Variants in THRB observed in about 807,000 individuals in gnomAD.
THRB encodes the protein thyroid hormone receptor beta.
THRB carries 12 observed loss-of-function variants against 47.8 expected under a neutral mutation model. The observed-to-expected ratio is 0.25, with a 90% CI of 0.16 to 0.41. The LOEUF (loss-of-function observed/expected upper bound fraction) is 0.41, where lower values mean the gene tolerates loss of function less well. Ranked by LOEUF, THRB falls within the 10% of genes least tolerant of loss-of-function variation. The pLI is 1.00. For missense variants in THRB, 348 were observed against 589.2 expected, an observed-to-expected ratio of 0.59 and a Z score of 4.24; for synonymous variants, 218 against 212.2, an observed-to-expected ratio of 1.03 and a Z score of -0.24.
chr3:24,199,666 A>T (rs1409352211), intron 4 of THRB, among the ~76,000 whole-genome samples: 1 of 152,260 alleles, frequency 6.6e-6, no homozygotes, highest in Non-Finnish European at 1.5e-5. Context: ...GAAACTAAAA[A>T]GTACAATGAT....
rs1442950962 is a variant in THRB, at chr3:24,121,059, G to A, written c.*1825C>T. 2 of 152,126 alleles carry A rather than the reference G, an allele frequency of 1.3e-5. No individual in the cohort carries two copies. The highest frequency in any genetic ancestry group is 1.9e-4 in the East Asian group (1 of 5,184). The allele number at this position is 152,126 out of a possible 1,614,324, so 9.4% of individuals were successfully genotyped here. On this transcript the variant is annotated 3_prime_UTR_variant, in exon 11 of 11. Transcript: ENST00000646209. ...AATAACAAATTTACGTTCCTTAACT[G>A]TTAAGTGGGCCATACTTCTTGTCTA... is the stretch of plus-strand genomic sequence containing the variant.
intron 2 of THRB, among the ~76,000 whole-genome samples, chr3:24,300,658 C>G (rs981874815): frequency 6.6e-6 from 1 of 152,176 alleles, no homozygotes; most frequent in African/African-American, 2.4e-5. Context: ...ATGTATTAGA[C>G]TCCCCCCATC....
chr3:24,385,959 T>G (rs1221527619), intron 1 of THRB, among the ~76,000 whole-genome samples: 1 of 152,204 alleles, frequency 6.6e-6, no homozygotes, highest in South Asian at 2.1e-4. Context: ...AATGACAGGA[T>G]GTACAATATG....
intron 1 of THRB, among the ~76,000 whole-genome samples, chr3:24,367,050 A>G (rs1264947030): frequency 6.6e-6 from 1 of 152,208 alleles, no homozygotes; most frequent in Non-Finnish European, 1.5e-5. Flanking sequence ...AACTAATGAC[A>G]CATTCATAAT....
intron 1 of THRB, among the ~76,000 whole-genome samples, chr3:24,447,395 A>T (rs527390607): frequency 6.6e-6 from 1 of 152,302 alleles, no homozygotes; most frequent in South Asian, 2.1e-4. Context: ...GGTCTAAGTG[A>T]ACCTGCAGTG....
chr3:24,487,052 G>A (rs1014957956), intron 1 of THRB, among the ~76,000 whole-genome samples: 1 of 152,166 alleles, frequency 6.6e-6, no homozygotes, highest in Non-Finnish European at 1.5e-5. Context: ...TGATTATAAT[G>A]TTTTCAAAGG....
At chr3:24,418,984 C>CA (rs1232804448) in intron 1 of THRB, among the ~76,000 whole-genome samples, 3 of 151,874 alleles carry the variant, frequency 2.0e-5, no homozygotes, top group African/African-American at 4.8e-5. Context: ...TATCACCCCC[C>CA]ATACCTGCAG....
chr3:24,398,756 C>T (rs891858025), intron 1 of THRB, among the ~76,000 whole-genome samples: 57 of 152,256 alleles, frequency 3.7e-4, no homozygotes, highest in Admixed American at 1.4e-3. Context: ...ATAAATCATG[C>T]TGCTGTAAAG....
intron 5 of THRB, among the ~76,000 whole-genome samples, chr3:24,180,968 G>GT (rs950765924): frequency 1.4e-4 from 21 of 152,170 alleles, no homozygotes; most frequent in African/African-American, 3.4e-4. Context: ...AGGGGAATAA[G>GT]TTTTTTTTAT....
chr3:24,250,087 C>A (rs1037022609), intron 3 of THRB, among the ~76,000 whole-genome samples: 1 of 152,112 alleles, frequency 6.6e-6, no homozygotes, highest in African/African-American at 2.4e-5. Context: ...TCTTTTTACA[C>A]AAAATTCATA....
intron 1 of THRB, among the ~76,000 whole-genome samples, chr3:24,359,560 C>T (rs1468928064): frequency 1.3e-5 from 2 of 152,042 alleles, no homozygotes; most frequent in Non-Finnish European, 2.9e-5. Flanking sequence ...AATTTGTGAC[C>T]ATGTTTAAAA....
intron 9 of THRB, among the ~76,000 whole-genome samples, chr3:24,131,093 T>C (rs2033790202): frequency 1.3e-5 from 2 of 152,250 alleles, no homozygotes; most frequent in Admixed American, 6.5e-5. Context: ...TGCACTCTTA[T>C]GACATATCCA....
At chr3:24,383,151 T>C (rs1577222509) in intron 1 of THRB, among the ~76,000 whole-genome samples, 1 of 152,300 alleles carries the variant, frequency 6.6e-6, no homozygotes, top group East Asian at 1.9e-4. Context: ...GACTATAAGC[T>C]CTAGGAAAGT....
intron 1 of THRB, among the ~76,000 whole-genome samples, chr3:24,344,130 A>G (rs1332531933): frequency 6.6e-6 from 1 of 151,838 alleles, no homozygotes; most frequent in Non-Finnish European, 1.5e-5. Flanking sequence ...AACTTACTCT[A>G]TTATACAATT....
intron 1 of THRB, among the ~76,000 whole-genome samples, chr3:24,385,903 C>T (rs2066063536): frequency 6.6e-6 from 1 of 152,164 alleles, no homozygotes; most frequent in Non-Finnish European, 1.5e-5. Flanking sequence ...AGTTCACATA[C>T]TTCATTTCAC....
intron 3 of THRB, among the ~76,000 whole-genome samples, chr3:24,280,459 A>G (rs1204417009): frequency 6.6e-6 from 1 of 152,204 alleles, no homozygotes; most frequent in Non-Finnish European, 1.5e-5. Flanking sequence ...TCAAAGACCA[A>G]AAGTAGGTAA....
intron 8 of THRB, among the ~76,000 whole-genome samples, chr3:24,134,127 A>G (rs771430725): frequency 1.3e-5 from 2 of 152,202 alleles, no homozygotes; most frequent in Non-Finnish European, 2.9e-5. Context: ...TTGCTCAAGA[A>G]CAATCCATGG....
In THRB at chr3:24,127,393, C is replaced by T. The variant is rs2033059403; in HGVS notation, c.1144+106G>A. 8 of 1,213,900 alleles carry T rather than the reference C, an allele frequency of 6.6e-6. No individual in the cohort carries two copies. The East Asian group carries it at 2.0e-4, about 30-fold the overall frequency. 75.2% of individuals were successfully genotyped at this position (1,213,900 alleles called of 1,614,324 possible). A position where few individuals can be genotyped will look rare whatever the true frequency, so the allele number is the denominator to read the frequency against. ...CAATTTCTTACTGAAGAAGAGTGAG[C>T]TATGTTTCTGAAGCTAAAGGGGGAC... On this transcript the variant is annotated intron_variant, in intron 10 of 10. Transcript: ENST00000646209.
intron 2 of THRB, among the ~76,000 whole-genome samples, chr3:24,324,598 T>C (rs2058693066): frequency 6.6e-6 from 1 of 152,224 alleles, no homozygotes; most frequent in Non-Finnish European, 1.5e-5. Context: ...TATCAACTTT[T>C]TACCTTCAAC....
Sources: allele counts gnomAD v4.1 joint callset (sites outside exome capture counted in the v4.1 genomes callset), GRCh38; gene constraint gnomAD v4.1.1; transcripts MANE v1.5; gene names NCBI Gene and HGNC (gene_info 2026-07-23, HGNC 2026-07-21).